Variants in FARS2 observed in about 807,000 individuals in gnomAD.
The protein encoded by FARS2 is phenylalanine--tRNA ligase, mitochondrial.
A neutral mutation model predicts 46.4 loss-of-function variants in FARS2; 40 were observed. The ratio of observed to expected loss-of-function variants is 0.86; its 90% CI spans 0.67 to 1.12. The LOEUF is 1.12. FARS2 is among the 50% of genes most tolerant of loss of function. The probability of loss-of-function intolerance (pLI) is 0.00; values close to 1 mark genes in which losing one functional copy is unlikely to be tolerated. For missense variants in FARS2, 513 were observed against 567.9 expected (o/e 0.90, Z 0.98); for synonymous variants, 234 against 214.9 (o/e 1.09, Z -0.78).
At chr6:5,268,431 G>A (rs915680105) in intron 1 of FARS2, among the ~76,000 whole-genome samples, 9 of 152,192 alleles carry the variant, frequency 5.9e-5, no homozygotes, top group Non-Finnish European at 4.4e-5. Context: ...TGGCTAGCCA[G>A]TTTTCCCAGC....
At chr6:5,503,663 G>A (rs1024251652) in intron 4 of FARS2, among the ~76,000 whole-genome samples, 2 of 152,000 alleles carry the variant, frequency 1.3e-5, no homozygotes, top group African/African-American at 4.8e-5. Context: ...ATCCAAACGA[G>A]TTGTGATATT....
intron 4 of FARS2, among the ~76,000 whole-genome samples, chr6:5,449,432 T>C (rs1764363508): frequency 1.3e-5 from 2 of 151,608 alleles, no homozygotes; most frequent in Admixed American, 1.3e-4. Context: ...ATGAAAATTA[T>C]TATAAAGAAA....
chr6:5,565,151 C>T (rs1268595797), intron 5 of FARS2, among the ~76,000 whole-genome samples: 1 of 152,158 alleles, frequency 6.6e-6, no homozygotes, highest in Non-Finnish European at 1.5e-5. Context: ...AAACATGCTC[C>T]AAATTTTGTT....
rs192515090 is a variant in FARS2 at position 5,765,104 on chromosome 6, G to A, written c.1218-6187G>A. On this transcript the variant is annotated intron_variant, in intron 6 of 6. Coordinates refer to ENST00000274680, the MANE Select transcript of FARS2 (RefSeq NM_006567.5). This position sits in a 1 kb window ranked among gnomAD's most constrained non-coding sequence, Gnocchi z 4.0. ...CCTATACATCCTTGTCTTTGGTCTA[G>A]GGGCTCTGGTAGGAGGCGGCATTGA... Among the ~76,000 whole-genome samples, 82 of 152,330 alleles carry A rather than the reference G, an allele frequency of 5.4e-4. No homozygotes were observed. Among genetic ancestry groups the A allele is most frequent in the African/African-American group, 1.9e-3 (78 of 41,584 alleles).
At chr6:5,300,658 T>C (rs912356963) in intron 1 of FARS2, among the ~76,000 whole-genome samples, 4 of 151,866 alleles carry the variant, frequency 2.6e-5, no homozygotes, top group African/African-American at 9.7e-5. Flanking sequence ...ATCTGGTCAT[T>C]TCCTTTTTCT....
chr6:5,262,319 C>T lies in FARS2; in HGVS notation c.-22+659C>T, dbSNP rs995005574. 3.3e-5 allele frequency among the ~76,000 whole-genome samples: 5 copies of T among 152,218 alleles called. No individual in the cohort carries two copies. The East Asian group carries it at 7.7e-4, about 24-fold the overall frequency. ...TTGAGATGGAGTCTCGCTCTGTCGC[C>T]CAGGCTGGAGTGCAGTGGCGGGATC... On this transcript the variant is annotated intron_variant, in intron 1 of 6. Transcript: ENST00000274680.
At chr6:5,582,837 T>C (rs1326950702) in intron 5 of FARS2, among the ~76,000 whole-genome samples, 1 of 152,258 alleles carries the variant, frequency 6.6e-6, no homozygotes, top group Non-Finnish European at 1.5e-5. Flanking sequence ...AAGTTTATGA[T>C]ATCATTGTGG....
At chr6:5,548,196 T>C (rs1771157368) in intron 5 of FARS2, among the ~76,000 whole-genome samples, 1 of 152,112 alleles carries the variant, frequency 6.6e-6, no homozygotes, top group Admixed American at 6.6e-5. Context: ...TCCACCTGAG[T>C]TGCTCCCACA....
Position 5,304,440 on chromosome 6 carries a change from T to A in FARS2, c.-22+42780T>A, listed in dbSNP as rs138549247. 3.3e-5 allele frequency among the ~76,000 whole-genome samples: 5 copies of A among 152,338 alleles called. No homozygotes were observed. The East Asian group carries it at 9.6e-4, about 29-fold the overall frequency. The stretch of plus-strand genomic sequence containing the variant: ...GCTATTTTCATATTTTGAATTAGTC[T>A]CTTATGATAGAGTCTCAGACATGGC... On this transcript the variant is annotated intron_variant, in intron 1 of 6. Coordinates refer to ENST00000274680, the MANE Select transcript of FARS2 (RefSeq NM_006567.5).
At chr6:5,688,846 T>G (rs1421814636) in intron 6 of FARS2, among the ~76,000 whole-genome samples, 1 of 152,186 alleles carries the variant, frequency 6.6e-6, no homozygotes, top group Non-Finnish European at 1.5e-5. Context: ...TTTTTTTGGT[T>G]GGTAAGCTAT....
chr6:5,405,477 G>GTTTTTTTTTT (rs1554181324), intron 3 of FARS2, among the ~76,000 whole-genome samples: 47 of 93,134 alleles, frequency 5.0e-4, no homozygotes, highest in Non-Finnish European at 6.6e-4. Context: ...GTGGAGCAAG[G>GTTTTTTTTTT]TTCTTTTTTT....
intron 6 of FARS2, among the ~76,000 whole-genome samples, chr6:5,735,581 G>C (rs1760893920): frequency 6.6e-6 from 1 of 152,180 alleles, no homozygotes; most frequent in Non-Finnish European, 1.5e-5. Context: ...CACATAAGTG[G>C]TCACTGTGAT....
In FARS2 at chr6:5,630,982, C is replaced by G. The variant is rs1003667487; in HGVS notation, c.1217+17662C>G. On this transcript the variant is annotated intron_variant, in intron 6 of 6. Coordinates refer to ENST00000274680, the MANE Select transcript of FARS2 (RefSeq NM_006567.5). The surrounding 1 kb of genome is among the most constrained non-coding windows in gnomAD (Gnocchi z 4.2). ...GTTTTGTATGGCAGGGGAATCTGTT[C>G]ACCTGCTACCTAGAATTGCCTCCTC... 3.3e-5 allele frequency among the ~76,000 whole-genome samples: 5 copies of G among 152,296 alleles called. No individual in the cohort carries two copies. The highest frequency in any genetic ancestry group is 1.2e-4 in the African/African-American group (5 of 41,562).
chr6:5,716,974 A>G (rs1402985142), intron 6 of FARS2, among the ~76,000 whole-genome samples: 3 of 152,212 alleles, frequency 2.0e-5, no homozygotes, highest in African/African-American at 7.2e-5. Context: ...CCAGGTAGAT[A>G]TGTGATTGGA....
chr6:5,701,308 G>A (rs9405281), intron 6 of FARS2, among the ~76,000 whole-genome samples: 57,758 of 152,228 alleles, frequency 0.38, 13,154 homozygotes, highest in Non-Finnish European at 0.51. Context: ...TGTTAGTGGT[G>A]TCTGCCTGAG....
intron 6 of FARS2, among the ~76,000 whole-genome samples, chr6:5,768,092 T>C (rs1445953923): frequency 2.6e-5 from 4 of 152,032 alleles, no homozygotes; most frequent in Non-Finnish European, 5.9e-5. Flanking sequence ...CTCTCCAACA[T>C]GAAAAAGGAA....
intron 6 of FARS2, among the ~76,000 whole-genome samples, chr6:5,736,499 A>T (rs1431671821): frequency 6.6e-6 from 1 of 152,160 alleles, no homozygotes; most frequent in Non-Finnish European, 1.5e-5. Context: ...GTTGCCTCTA[A>T]AAAGACCAGC....
At chr6:5,522,723 A>G (rs1256382301) in intron 4 of FARS2, among the ~76,000 whole-genome samples, 2 of 152,212 alleles carry the variant, frequency 1.3e-5, no homozygotes, top group African/African-American at 4.8e-5. Flanking sequence ...TTTCTTGACT[A>G]ACTGGATGAA....
chr6:5,631,065 A>G (rs1037400249), intron 6 of FARS2, among the ~76,000 whole-genome samples: 1 of 152,222 alleles, frequency 6.6e-6, no homozygotes, highest in African/African-American at 2.4e-5. Context: ...AGTATGCACA[A>G]TTTGAAATTA....
Sources: gnomAD v4.1 joint callset for allele counts (sites outside exome capture counted in the v4.1 genomes callset) on GRCh38, gnomAD v4.1.1 for gene constraint, Gnocchi (gnomAD v3.1) non-coding constraint, MANE v1.5 for transcripts, NCBI Gene and HGNC (gene_info 2026-07-23, HGNC 2026-07-21) for gene names.